Variants in GRK4 observed in about 807,000 individuals in gnomAD.
GRK4 encodes the protein G protein-coupled receptor kinase 2-like.
A neutral mutation model predicts 77.9 loss-of-function variants in GRK4; 73 were observed. That is an observed-to-expected ratio of 0.94 (90% confidence interval 0.78 to 1.14). GRK4 has a LOEUF of 1.14. GRK4 is among the 50% of genes most tolerant of loss of function. GRK4 has a pLI of 0.00. For synonymous variants in GRK4, 257 were observed against 254.4 expected, an observed-to-expected ratio of 1.01 and a Z score of -0.10; for missense variants, 729 against 700.2, an observed-to-expected ratio of 1.04 and a Z score of -0.46.
At chr4:3,027,674 G>C (rs1737948673) in intron 10 of GRK4, among the ~76,000 whole-genome samples, 1 of 152,086 alleles carries the variant, frequency 6.6e-6, no homozygotes, top group African/African-American at 2.4e-5. Context: ...ATGATTAAAG[G>C]GCTTCCTGAT....
intron 1 of GRK4, among the ~76,000 whole-genome samples, chr4:2,972,506 C>T (rs539432479): frequency 1.3e-5 from 2 of 152,170 alleles, no homozygotes; most frequent in East Asian, 3.9e-4. Context: ...GGTTCACCAG[C>T]ACGTGTGCCC....
At position 3,034,053 on chromosome 4, in the gene GRK4, G is replaced by A. The variant is rs369385914; in HGVS notation, c.1270-1333G>A. ...CAGGACAGCCTGGCAATAATGGCGC[G>A]TCCAAATGACTCATTCTCAGCAAGA... On this transcript the variant is annotated intron_variant, in intron 12 of 15. Transcript: ENST00000398052. Among the ~76,000 whole-genome samples the A allele has an allele frequency of 8.4e-4, 128 of 152,320 alleles. 1 individual carries two copies. The highest frequency in any genetic ancestry group is 2.8e-3 in the African/African-American group (118 of 41,570).
chr4:3,034,226 C>T (rs1739957710), intron 12 of GRK4, among the ~76,000 whole-genome samples: 1 of 152,184 alleles, frequency 6.6e-6, no homozygotes, highest in African/African-American at 2.4e-5. Flanking sequence ...TTTGTAGACA[C>T]AGCCCTGGAG....
intron 1 of GRK4, among the ~76,000 whole-genome samples, chr4:2,973,302 C>A (rs1720122360): frequency 6.6e-6 from 1 of 152,168 alleles, no homozygotes; most frequent in African/African-American, 2.4e-5. Flanking sequence ...ATACCAAATG[C>A]CCCCCGTCTT....
At chr4:3,015,201 A>G (rs73084128) in intron 8 of GRK4, among the ~76,000 whole-genome samples, 3 of 152,134 alleles carry the variant, frequency 2.0e-5, no homozygotes, top group Non-Finnish European at 2.9e-5. Context: ...ACCTAATTAC[A>G]TATGTCCTGT....
At chr4:2,992,077 T>A in intron 3 of GRK4, 138 bp from the exon 4 acceptor site, 1 of 503,372 alleles carries the variant, frequency 2.0e-6, no homozygotes, top group Non-Finnish European at 3.6e-6. Context: ...GGGATCTCGC[T>A]ATGTTGCTCA....
intron 10 of GRK4, among the ~76,000 whole-genome samples, chr4:3,026,559 G>A (rs1164713000): frequency 6.6e-6 from 1 of 152,156 alleles, no homozygotes; most frequent in East Asian, 1.9e-4. Context: ...ACCAAACCCT[G>A]TCTCTACAAA....
At chr4:3,017,579 C>A (rs1354655339) in intron 8 of GRK4, among the ~76,000 whole-genome samples, 1 of 152,138 alleles carries the variant, frequency 6.6e-6, no homozygotes, top group Non-Finnish European at 1.5e-5. Flanking sequence ...GTGAGAATTC[C>A]TTGTGGTTTA....
chr4:2,989,716 G>A (rs1296263648), intron 3 of GRK4, among the ~76,000 whole-genome samples: 1 of 152,224 alleles, frequency 6.6e-6, no homozygotes, highest in Non-Finnish European at 1.5e-5. Flanking sequence ...GATAAAGTTT[G>A]TGTAAGAAGA....
chr4:3,035,478 C>T lies in GRK4; in HGVS notation c.1362C>T (p.Phe454=), dbSNP rs1367421163. Residue 454 remains phenylalanine (F), a synonymous_variant, in exon 13 of 16, where the codon TTC becomes TTT. Transcript: ENST00000398052. The stretch of plus-strand genomic sequence containing the variant: ...ACCCCGTGTTCAAGGACATCAACTT[C>T]AGGAGGCTGGAGGCAAACATGCTGG... The part of the protein sequence containing the change: ...KQHPVFKDIN[F]RRLEANMLEP... The T allele has an allele frequency of 6.2e-7, 1 of 1,614,054 alleles. No individual in the cohort carries two copies. The highest frequency in any genetic ancestry group is 2.2e-5 in the East Asian group (1 of 44,872).
intron 4 of GRK4, among the ~76,000 whole-genome samples, chr4:2,997,197 T>C (rs1728202938): frequency 6.6e-6 from 1 of 152,230 alleles, no homozygotes; most frequent in Non-Finnish European, 1.5e-5. Context: ...TTCAGCCAAA[T>C]TTGAATTTAT....
At chr4:2,977,468 C>G (rs1193079212) in intron 1 of GRK4, among the ~76,000 whole-genome samples, 1 of 152,232 alleles carries the variant, frequency 6.6e-6, no homozygotes, top group African/African-American at 2.4e-5. Context: ...CCTCTAGATA[C>G]TGACATCTGT....
At chr4:3,014,919 G>A (rs1410702669) in intron 8 of GRK4, among the ~76,000 whole-genome samples, 1 of 152,170 alleles carries the variant, frequency 6.6e-6, no homozygotes, top group Non-Finnish European at 1.5e-5. Context: ...GAGCTACCAC[G>A]TCTGGCTGAG....
intron 1 of GRK4, among the ~76,000 whole-genome samples, chr4:2,976,619 T>TTTTC (rs1161611606): frequency 3.3e-5 from 5 of 151,472 alleles, no homozygotes; most frequent in South Asian, 4.2e-4. Flanking sequence ...CAAGCTTGAA[T>TTTTC]TTTCTTTCTT....
At chr4:3,019,063 A>G (rs1178242075) in intron 8 of GRK4, among the ~76,000 whole-genome samples, 1 of 152,126 alleles carries the variant, frequency 6.6e-6, no homozygotes, top group East Asian at 1.9e-4. Context: ...TGACATACAA[A>G]CCAATAGAAA....
intron 1 of GRK4, among the ~76,000 whole-genome samples, chr4:2,972,526 G>A (rs1041734721): frequency 1.0e-4 from 15 of 145,196 alleles, no homozygotes; most frequent in Non-Finnish European, 1.8e-4. Context: ...CCAAACCTGC[G>A]GGGGGGGGCC....
rs1176993571 is a variant in GRK4 at position 3,001,816 on chromosome 4, A to C, written c.340-2415A>C. Among the ~76,000 whole-genome samples the C allele has an allele frequency of 4.6e-5, 7 of 152,338 alleles. No individual in the cohort carries two copies. The East Asian group carries it at 1.2e-3, about 25-fold the overall frequency. ...TTCAACTTATGTTAGGAAATAACTG[A>C]TTTATAAACACAGATTTCCTCTGGT... On this transcript the variant is annotated intron_variant, in intron 4 of 15. Transcript: ENST00000398052.
chr4:3,025,387 A>ATTTT (rs71180111), intron 10 of GRK4, among the ~76,000 whole-genome samples: 8 of 112,236 alleles, frequency 7.1e-5, no homozygotes, highest in Admixed American at 2.0e-4. Flanking sequence ...TAGCGATCTA[A>ATTTT]TTTTTTTTTT....
chr4:2,978,448 C>T (rs752225005), intron 1 of GRK4, among the ~76,000 whole-genome samples: 1 of 152,084 alleles, frequency 6.6e-6, no homozygotes, highest in Non-Finnish European at 1.5e-5. Context: ...ACAGCCATGG[C>T]GAGCCACAGG....
Sources: gnomAD v4.1 joint callset for allele counts (sites outside exome capture counted in the v4.1 genomes callset) on GRCh38, gnomAD v4.1.1 for gene constraint, MANE v1.5 for transcripts, NCBI Gene and HGNC (gene_info 2026-07-23, HGNC 2026-07-21) for gene names.